Variants in TLE1 observed in about 807,000 individuals in gnomAD.
The protein encoded by TLE1 is TLE family member 1, transcriptional corepressor, also known as transducin-like enhancer protein 1.
In TLE1, 21 loss-of-function variants were observed where a neutral mutation model predicts 89.8. That is an observed-to-expected ratio of 0.23 (90% CI 0.17 to 0.34). TLE1 has a LOEUF of 0.34. TLE1 is among the 10% of genes least tolerant of loss of function. The pLI, the probability that TLE1 is intolerant of heterozygous loss-of-function variation, is 1.00. For missense variants in TLE1, 795 were observed against 1,031.2 expected, an observed-to-expected ratio of 0.77 and a Z score of 3.14; for synonymous variants, 447 against 407.6, an observed-to-expected ratio of 1.10 and a Z score of -1.16.
At chr9:81,637,793 T>C (rs550541638) in intron 6 of TLE1, among the ~76,000 whole-genome samples, 1 of 152,210 alleles carries the variant, frequency 6.6e-6, no homozygotes, top group South Asian at 2.1e-4. Context: ...TGCAGGGCAG[T>C]GCTCCTAGAT....
rs200549454 is a variant in TLE1, at chr9:81,602,835, T to TA, written c.1331+7384dup. ...GAATTTTAACAAAGAATAAGACTGTTAAAAAAAAAACGAGTTAAATGGGGA... is the reference window on the plus strand; with the variant it reads ...GAATTTTAACAAAGAATAAGACTGTTAAAAAAAAAAACGAGTTAAATGGGGA... On this transcript the variant is annotated intron_variant, in intron 14 of 19. Transcript: ENST00000376499. 2.2e-3 allele frequency among the ~76,000 whole-genome samples: 327 copies of TA among 147,488 alleles called. 1 individual carries two copies. The highest frequency in any genetic ancestry group is 3.2e-3 in the African/African-American group (129 of 40,198).
At chr9:81,677,716 G>T (rs1192032494) in intron 4 of TLE1, among the ~76,000 whole-genome samples, 2 of 152,134 alleles carry the variant, frequency 1.3e-5, no homozygotes, top group Non-Finnish European at 2.9e-5. Flanking sequence ...CATGGTACAT[G>T]TATTTCAGTA....
intron 4 of TLE1, among the ~76,000 whole-genome samples, chr9:81,670,967 G>C (rs965661048): frequency 6.6e-6 from 1 of 151,656 alleles, no homozygotes; most frequent in Non-Finnish European, 1.5e-5. Context: ...TCAGGAGTTC[G>C]AGACCAGCCT....
chr9:81,634,350 G>A, intron 6 of TLE1, 49 bp from the exon 7 acceptor site: 1 of 1,402,524 alleles, frequency 7.1e-7, no homozygotes, highest in Non-Finnish European at 9.4e-7. Flanking sequence ...GGAGGAGGTA[G>A]TGGTGACAGT....
At chr9:81,605,750 A>C (rs1371675136) in intron 14 of TLE1, among the ~76,000 whole-genome samples, 1 of 152,144 alleles carries the variant, frequency 6.6e-6, no homozygotes, top group Non-Finnish European at 1.5e-5. Context: ...AATGGCAACA[A>C]AAGCCAAAAT....
At chr9:81,684,500 G>A (rs1047112915) in intron 4 of TLE1, among the ~76,000 whole-genome samples, 2 of 152,136 alleles carry the variant, frequency 1.3e-5, no homozygotes, top group African/African-American at 4.8e-5. Context: ...AAAAATCAAA[G>A]AGTGCGGAGT....
intron 4 of TLE1, among the ~76,000 whole-genome samples, chr9:81,666,645 C>G (rs1831496504): frequency 6.6e-6 from 1 of 151,694 alleles, no homozygotes; most frequent in African/African-American, 2.4e-5. Context: ...CGTGGTGGTG[C>G]ACGCCTGTAA....
chr9:81,620,744 C>G (rs1485282481), intron 8 of TLE1, 187 bp from the exon 9 acceptor site: 2 of 985,210 alleles, frequency 2.0e-6, no homozygotes, highest in Non-Finnish European at 2.4e-6. Context: ...AAAGGGAGAC[C>G]CTGACTTTGC....
rs573639921 is a variant in TLE1 at position 81,613,236 on chromosome 9, G to A, written c.1063+141C>T. The A allele has an allele frequency of 1.2e-5, 14 of 1,202,692 alleles. No homozygotes were observed. In the African/African-American group the frequency reaches 1.5e-4, roughly 13 times the overall value. 74.5% of individuals were successfully genotyped at this position (1,202,692 alleles called of 1,614,324 possible). A position where few individuals can be genotyped will look rare whatever the true frequency, so the allele number is the denominator to read the frequency against. ...AGGACAAACATCTGTTTCTTATCAT[G>A]GCTTTTTCAGAGATAGGAAGGAGGG... On this transcript the variant is annotated intron_variant, in intron 12 of 19. Coordinates refer to ENST00000376499, the MANE Select transcript of TLE1 (RefSeq NM_005077.5).
chr9:81,589,663 G>T (rs778225568), intron 16 of TLE1, among the ~76,000 whole-genome samples: 1 of 152,086 alleles, frequency 6.6e-6, no homozygotes, highest in African/African-American at 2.4e-5. Context: ...CTATAAAATG[G>T]GGCAAATAGC....
chr9:81,606,132 A>C (rs1831623367), intron 14 of TLE1, among the ~76,000 whole-genome samples: 1 of 152,240 alleles, frequency 6.6e-6, no homozygotes, highest in Non-Finnish European at 1.5e-5. Flanking sequence ...CAGATGCTGG[A>C]GAGGATGTGG....
At chr9:81,623,617 T>TAA (rs751545706) in intron 8 of TLE1, among the ~76,000 whole-genome samples, 25 of 44,500 alleles carry the variant, frequency 5.6e-4, no homozygotes, top group African/African-American at 2.0e-3. Context: ...CATCTGTACT[T>TAA]AAAAAAAAAA....
chr9:81,653,938 A>G, intron 5 of TLE1, 36 bp downstream of exon 5: 1 of 1,596,756 alleles, frequency 6.3e-7, no homozygotes, highest in Non-Finnish European at 8.6e-7. Context: ...GAGAAGCAAC[A>G]TAATTGCACT....
intron 4 of TLE1, among the ~76,000 whole-genome samples, chr9:81,666,263 G>A (rs1393287855): frequency 2.6e-5 from 4 of 152,066 alleles, no homozygotes; most frequent in Non-Finnish European, 5.9e-5. Flanking sequence ...GATCATCACC[G>A]TGAAGTCATC....
At chr9:81,667,967 C>T (rs958413912) in intron 4 of TLE1, among the ~76,000 whole-genome samples, 4 of 152,142 alleles carry the variant, frequency 2.6e-5, no homozygotes, top group African/African-American at 9.7e-5. Context: ...AGTTCGAGAT[C>T]AGCCTGGCCA....
At chr9:81,680,296 C>T (rs7043040) in intron 4 of TLE1, among the ~76,000 whole-genome samples, 28,757 of 152,110 alleles carry the variant, frequency 0.19, 2,766 homozygotes, top group African/African-American at 0.21. Context: ...CATGGCCACT[C>T]CCCACAGGAC....
chr9:81,628,097 G>A (rs1427273910), intron 8 of TLE1, among the ~76,000 whole-genome samples: 2 of 152,158 alleles, frequency 1.3e-5, no homozygotes, highest in Non-Finnish European at 2.9e-5. Context: ...AAACAAATAG[G>A]AGAGAAACCC....
At chr9:81,684,693 T>C (rs1039772255) in intron 4 of TLE1, among the ~76,000 whole-genome samples, 5 of 152,258 alleles carry the variant, frequency 3.3e-5, no homozygotes, top group Non-Finnish European at 5.9e-5. Context: ...AAGAATTGTA[T>C]TGTTGCACTT....
chr9:81,653,287 C>A (rs989691208), intron 5 of TLE1, among the ~76,000 whole-genome samples: 1 of 152,162 alleles, frequency 6.6e-6, no homozygotes, highest in Non-Finnish European at 1.5e-5. Context: ...CGTGAAGATG[C>A]ATTCATCCCG....
Sources: allele counts gnomAD v4.1 joint callset (sites outside exome capture counted in the v4.1 genomes callset), GRCh38; gene constraint gnomAD v4.1.1; transcripts MANE v1.5; gene names NCBI Gene and HGNC (gene_info 2026-07-23, HGNC 2026-07-21).